Variants in CADM2 observed in about 807,000 individuals in gnomAD.
CADM2 encodes cell adhesion molecule 2.
In CADM2, 12 loss-of-function variants were observed where a neutral mutation model predicts 49.8. The ratio of observed to expected loss-of-function variants is 0.24; its 90% CI spans 0.15 to 0.39. CADM2 has a LOEUF of 0.39. CADM2 is among the 10% of genes least tolerant of loss of function. CADM2 has a pLI of 1.00. For synonymous variants in CADM2, 214 were observed against 175.4 expected (o/e 1.22, Z -1.74); for missense variants, 378 against 492.3 (o/e 0.77, Z 2.20).
rs141969995 is a variant in CADM2 at position 85,340,139 on chromosome 3, A to G, written c.61+380471A>G. Among the ~76,000 whole-genome samples, 692 of 151,688 alleles carry G rather than the reference A, an allele frequency of 4.6e-3. 5 individuals carry two copies. The highest frequency in any genetic ancestry group is 0.016 in the African/African-American group (668 of 41,542). The stretch of plus-strand genomic sequence containing the variant: ...TATTAATTTGAATCATAGGTTAAAA[A>G]TAATCTGAAAAAGTACACCTTAGCA... On this transcript the variant is annotated intron_variant, in intron 1 of 9. Transcript: ENST00000383699.
At chr3:85,257,853 C>T (rs2042924356) in intron 1 of CADM2, among the ~76,000 whole-genome samples, 1 of 151,880 alleles carries the variant, frequency 6.6e-6, no homozygotes, top group Non-Finnish European at 1.5e-5. Flanking sequence ...TGACACAAAC[C>T]AAAATTAAAA....
intron 1 of CADM2, among the ~76,000 whole-genome samples, chr3:85,690,057 A>G (rs554091965): frequency 1.3e-5 from 2 of 152,332 alleles, no homozygotes; most frequent in South Asian, 4.1e-4. Context: ...AAGGAAATGC[A>G]GGAGGTAGAT....
At chr3:85,260,959 C>T (rs752658014) in intron 1 of CADM2, among the ~76,000 whole-genome samples, 7 of 152,032 alleles carry the variant, frequency 4.6e-5, no homozygotes, top group East Asian at 3.9e-4. Context: ...GTGACTCCTG[C>T]GCTCCAGTTT....
At chr3:85,806,359 A>G (rs1022207848) in intron 3 of CADM2, among the ~76,000 whole-genome samples, 8 of 152,302 alleles carry the variant, frequency 5.3e-5, no homozygotes, top group South Asian at 4.1e-4. Flanking sequence ...TACTGCTACT[A>G]TGAGCTCCGA....
chr3:85,219,953 G>A (rs979416228), intron 1 of CADM2, among the ~76,000 whole-genome samples: 1 of 152,066 alleles, frequency 6.6e-6, no homozygotes, highest in Non-Finnish European at 1.5e-5. Context: ...AAGTAAGTAT[G>A]CATATGAAAT....
Position 85,762,613 on chromosome 3 carries a change from C to CTCTCTCTG in CADM2, c.88+36072_88+36073insGTCTCTCT, listed in dbSNP as rs1553682286. On this transcript the variant is annotated intron_variant, in intron 2 of 9. Coordinates refer to ENST00000383699, the MANE Select transcript of CADM2 (RefSeq NM_001167675.2). The stretch of plus-strand genomic sequence containing the variant: ...ACTACTCCTCTCTCTCTCTCTCTCT[C>CTCTCTCTG]TCTCTCTCTGTCTCTGTTATTTTAT... Among the ~76,000 whole-genome samples the CTCTCTCTG allele has an allele frequency of 6.7e-3, 990 of 147,888 alleles. 7 individuals carry two copies. Among genetic ancestry groups the CTCTCTCTG allele is most frequent in the Admixed American group, 0.014 (200 of 14,734 alleles).
chr3:85,339,014 A>G (rs3943782), intron 1 of CADM2, among the ~76,000 whole-genome samples: 40,067 of 151,312 alleles, frequency 0.26, 6,675 homozygotes, highest in South Asian at 0.4. Context: ...GAGATAATTT[A>G]AAATTATTTT....
At chr3:85,979,064 T>A (rs1205922725) in intron 8 of CADM2, 1 of 1,330,916 alleles carries the variant, frequency 7.5e-7, no homozygotes, top group East Asian at 2.4e-5. Flanking sequence ...TTGTTAAAGT[T>A]AAACCTCAAT....
intron 1 of CADM2, among the ~76,000 whole-genome samples, chr3:85,667,523 T>C (rs1428815901): frequency 6.6e-6 from 1 of 151,990 alleles, no homozygotes; most frequent in African/African-American, 2.4e-5. Context: ...AAAATAGGTA[T>C]AAGTGAAGAG....
chr3:85,058,493 A>G (rs1576131385), intron 1 of CADM2, among the ~76,000 whole-genome samples: 1 of 151,932 alleles, frequency 6.6e-6, no homozygotes, highest in African/African-American at 2.4e-5. Flanking sequence ...CGCCCAGGCT[A>G]GAGTGCAGTG....
chr3:85,791,597 G>T (rs958660226), intron 2 of CADM2, among the ~76,000 whole-genome samples: 24 of 149,146 alleles, frequency 1.6e-4, no homozygotes, highest in Non-Finnish European at 3.4e-4. Context: ...CAGAGAGAGA[G>T]AAAACAAAAA....
intron 1 of CADM2, among the ~76,000 whole-genome samples, chr3:85,657,206 T>C (rs2065226997): frequency 6.6e-6 from 1 of 152,178 alleles, no homozygotes; most frequent in African/African-American, 2.4e-5. Flanking sequence ...GATACAGATA[T>C]GGAGAACTCA....
At chr3:85,585,821 G>A (rs2062928468) in intron 1 of CADM2, among the ~76,000 whole-genome samples, 1 of 151,904 alleles carries the variant, frequency 6.6e-6, no homozygotes, top group Non-Finnish European at 1.5e-5. Flanking sequence ...AGCCAGCTGA[G>A]CCCTATGATC....
chr3:84,972,048 G>T (rs1056761765), intron 1 of CADM2, among the ~76,000 whole-genome samples: 1 of 152,112 alleles, frequency 6.6e-6, no homozygotes, highest in Non-Finnish European at 1.5e-5. Context: ...TTAAAACTTT[G>T]ATTTTGGAAG....
intron 1 of CADM2, among the ~76,000 whole-genome samples, chr3:85,465,417 A>T (rs1232282990): frequency 6.6e-6 from 1 of 152,172 alleles, no homozygotes; most frequent in Non-Finnish European, 1.5e-5. Flanking sequence ...ATAACTAATG[A>T]GTAATTTAAA....
At chr3:86,008,829 C>A (rs532657856) in intron 8 of CADM2, among the ~76,000 whole-genome samples, 1 of 147,340 alleles carries the variant, frequency 6.8e-6, no homozygotes, top group African/African-American at 2.4e-5. Context: ...TTAATTTTGA[C>A]GATTTTTTCC....
At chr3:85,828,397 A>G (rs1444300143) in intron 3 of CADM2, among the ~76,000 whole-genome samples, 1 of 151,976 alleles carries the variant, frequency 6.6e-6, no homozygotes, top group Non-Finnish European at 1.5e-5. Flanking sequence ...ACTGTAGATT[A>G]AGAAAGAACA....
At chr3:85,090,695 G>C (rs2037562434) in intron 1 of CADM2, among the ~76,000 whole-genome samples, 1 of 152,094 alleles carries the variant, frequency 6.6e-6, no homozygotes, top group Admixed American at 6.6e-5. Flanking sequence ...TGAGTGGCGG[G>C]CCAGTGAGCA....
chr3:85,711,247 G>A (rs771098254), intron 1 of CADM2, among the ~76,000 whole-genome samples: 43 of 152,214 alleles, frequency 2.8e-4, no homozygotes, highest in Non-Finnish European at 5.6e-4. Context: ...TTCAGGGAAA[G>A]ATCCCTGTGC....
Sources: gnomAD v4.1 joint callset for allele counts (sites outside exome capture counted in the v4.1 genomes callset) on GRCh38, gnomAD v4.1.1 for gene constraint, MANE v1.5 for transcripts, NCBI Gene and HGNC (gene_info 2026-07-23, HGNC 2026-07-21) for gene names.